Variants in ADCY2 observed in about 807,000 individuals in gnomAD.
The protein encoded by ADCY2 is adenylate cyclase 2, also known as adenylate cyclase type 2.
A neutral mutation model predicts 125.2 loss-of-function variants in ADCY2; 31 were observed. The ratio of observed to expected loss-of-function variants is 0.25; its 90% CI spans 0.19 to 0.33. ADCY2 has a LOEUF of 0.33. Ranked by LOEUF, ADCY2 falls within the 10% of genes least tolerant of loss-of-function variation. ADCY2 has a pLI of 1.00. For missense variants in ADCY2, 904 were observed against 1,418.2 expected (o/e 0.64, Z 5.82); for synonymous variants, 512 against 548.4 (o/e 0.93, Z 0.93).
intron 2 of ADCY2, among the ~76,000 whole-genome samples, chr5:7,416,373 C>T (rs1437944435): frequency 2.6e-5 from 4 of 152,190 alleles, no homozygotes; most frequent in African/African-American, 7.2e-5. Context: ...GAGGGCTGGG[C>T]GCGGCCCCCA....
chr5:7,548,736 C>G (rs1230549137), intron 3 of ADCY2, among the ~76,000 whole-genome samples: 2 of 152,076 alleles, frequency 1.3e-5, no homozygotes, highest in African/African-American at 2.4e-5. Flanking sequence ...AAAGTGGAGT[C>G]GAGTTGACAC....
chr5:7,496,517 T>C (rs1490181467), intron 2 of ADCY2, among the ~76,000 whole-genome samples: 1 of 152,222 alleles, frequency 6.6e-6, no homozygotes, highest in African/African-American at 2.4e-5. Flanking sequence ...AATTCGGCCA[T>C]GTTATTTAAC....
intron 4 of ADCY2, among the ~76,000 whole-genome samples, chr5:7,666,097 C>T (rs1182631114): frequency 6.6e-6 from 1 of 151,610 alleles, no homozygotes; most frequent in Non-Finnish European, 1.5e-5. Flanking sequence ...CTTGGCCTCC[C>T]AAAGTGCTGG....
chr5:7,567,389 A>G (rs1735929358), intron 3 of ADCY2, among the ~76,000 whole-genome samples: 1 of 152,186 alleles, frequency 6.6e-6, no homozygotes, highest in Non-Finnish European at 1.5e-5. Context: ...TAAAATGATA[A>G]GTTAAAACTG....
intron 4 of ADCY2, among the ~76,000 whole-genome samples, chr5:7,683,825 C>A (rs1740420602): frequency 6.6e-6 from 1 of 152,212 alleles, no homozygotes. Context: ...CTCCTTGGGA[C>A]CTTTCATCAA....
At chr5:7,787,810 T>TA (rs1744127148) in intron 19 of ADCY2, among the ~76,000 whole-genome samples, 1 of 152,186 alleles carries the variant, frequency 6.6e-6, no homozygotes, top group African/African-American at 2.4e-5. Flanking sequence ...ACAAACTGCT[T>TA]ACCTGTTATG....
intron 1 of ADCY2, among the ~76,000 whole-genome samples, chr5:7,404,649 A>G (rs1739403123): frequency 6.6e-6 from 1 of 152,126 alleles, no homozygotes; most frequent in African/African-American, 2.4e-5. Flanking sequence ...TCATTTTTTT[A>G]TTGGCCAGAG....
intron 12 of ADCY2, among the ~76,000 whole-genome samples, chr5:7,722,495 C>T (rs1411586731): frequency 6.6e-6 from 1 of 152,100 alleles, no homozygotes; most frequent in Non-Finnish European, 1.5e-5. Context: ...TAAAATTTGT[C>T]TTAAGTTGTA....
At chr5:7,693,130 G>A (rs949665128) in intron 5 of ADCY2, among the ~76,000 whole-genome samples, 2 of 152,108 alleles carry the variant, frequency 1.3e-5, no homozygotes, top group Non-Finnish European at 2.9e-5. Flanking sequence ...CATCAAATTA[G>A]TGACAAATCT....
chr5:7,650,217 G>GACACACACACACACAC (rs3073883), intron 4 of ADCY2, among the ~76,000 whole-genome samples: 27 of 147,876 alleles, frequency 1.8e-4, no homozygotes, highest in African/African-American at 6.3e-4. Context: ...TGCAGGCACA[G>GACACACACACACACAC]ACACACACAC....
chr5:7,429,958 ACT>A (rs35042771), intron 2 of ADCY2, among the ~76,000 whole-genome samples: 6,955 of 152,246 alleles, frequency 0.046, 184 homozygotes, highest in South Asian at 0.087. Flanking sequence ...AATTGGTGAA[ACT>A]CTAGCAAGAC....
intron 2 of ADCY2, among the ~76,000 whole-genome samples, chr5:7,441,123 T>TG (rs529253734): frequency 3.2e-4 from 48 of 152,104 alleles, no homozygotes; most frequent in Non-Finnish European, 5.4e-4. Flanking sequence ...TTTGAATGCC[T>TG]GAAAAAAAAA....
At chr5:7,695,692 C>G (rs1740867733) in intron 5 of ADCY2, 60 bp from the exon 6 acceptor site, 1 of 1,034,974 alleles carries the variant, frequency 9.7e-7, no homozygotes, top group Non-Finnish European at 1.4e-6. Flanking sequence ...ATTATTATTA[C>G]TTTCTTAAAA....
At chr5:7,500,116 A>T (rs1057419451) in intron 2 of ADCY2, among the ~76,000 whole-genome samples, 3 of 152,160 alleles carry the variant, frequency 2.0e-5, no homozygotes, top group Non-Finnish European at 2.9e-5. Context: ...AGAGGCTCAC[A>T]GCTGATCTTG....
intron 7 of ADCY2, among the ~76,000 whole-genome samples, chr5:7,700,519 T>G (rs1473800931): frequency 6.6e-6 from 1 of 151,216 alleles, no homozygotes; most frequent in Non-Finnish European, 1.5e-5. Context: ...TTTTTTAATC[T>G]GAACAGCGTT....
At chr5:7,587,144 T>G (rs927886474) in intron 3 of ADCY2, among the ~76,000 whole-genome samples, 1 of 152,148 alleles carries the variant, frequency 6.6e-6, no homozygotes, top group African/African-American at 2.4e-5. Flanking sequence ...AGGCCCGAAG[T>G]GCTGACTTTC....
At chr5:7,784,856 A>T (rs1432149085) in intron 19 of ADCY2, among the ~76,000 whole-genome samples, 1 of 152,226 alleles carries the variant, frequency 6.6e-6, no homozygotes, top group African/African-American at 2.4e-5. Flanking sequence ...ACTGGGCCTG[A>T]ATACCTTTGC....
At chr5:7,592,180 C>A (rs917578994) in intron 3 of ADCY2, among the ~76,000 whole-genome samples, 3 of 152,098 alleles carry the variant, frequency 2.0e-5, no homozygotes, top group African/African-American at 7.2e-5. Flanking sequence ...GCCAATATTA[C>A]AAAGAGGGTC....
chr5:7,626,613 A>C (rs950789588), intron 4 of ADCY2, among the ~76,000 whole-genome samples: 1 of 152,198 alleles, frequency 6.6e-6, no homozygotes, highest in Non-Finnish European at 1.5e-5. Context: ...CCACTCATGG[A>C]TAATGGGTAA....
Sources: gnomAD v4.1 joint callset for allele counts (sites outside exome capture counted in the v4.1 genomes callset) on GRCh38, gnomAD v4.1.1 for gene constraint, MANE v1.5 for transcripts, NCBI Gene and HGNC (gene_info 2026-07-23, HGNC 2026-07-21) for gene names.